DMD: variants seen among roughly 807,000 people sequenced by gnomAD.
DMD encodes mutant dystrophin.
A neutral mutation model predicts 330.1 loss-of-function variants in DMD; 63 were observed. The ratio of observed to expected loss-of-function variants is 0.19; its 90% CI spans 0.16 to 0.24. DMD has a LOEUF of 0.24. Among genes scored for constraint, DMD ranks in the 10% least tolerant of loss-of-function variants. DMD has a pLI of 1.00. For missense variants in DMD, 3,344 were observed against 2,684.1 expected, an observed-to-expected ratio of 1.25 and a Z score of -5.43; for synonymous variants, 1,223 against 959.8, an observed-to-expected ratio of 1.27 and a Z score of -5.07.
intron 65 of DMD, 31 bp from the exon 66 acceptor site, chrX:31,206,698 T>C: frequency 8.9e-7 from 1 of 1,123,622 alleles, no homozygotes; most frequent in African/African-American, 1.8e-5. Context: ...AGAAAACAAT[T>C]ACTGACCCTT....
In DMD at chrX:32,362,805, T is replaced by C; in HGVS notation, c.5308A>G (p.Arg1770Gly). ...CTTCCTACCTTTCCAGTCTTAATTC[T>C]GTGTGAAATGGCTGCAAATCGATGG... ...LNHRFAAISH[R>G]IKTGKASIPL... is the part of the protein sequence containing the mutation. The change falls in exon 37 of 79, where the codon AGA becomes GGA. Residue 1770 changes from arginine to glycine, a missense_variant. Arg to Gly is a moderately radical substitution (Grantham distance 125, BLOSUM62 -2). Transcript: ENST00000357033. The C allele has an allele frequency of 5.0e-6, 6 of 1,211,249 alleles. No individual in the cohort carries two copies. Among genetic ancestry groups the C allele is most frequent in the Non-Finnish European group, 6.7e-6 (6 of 895,366 alleles).
chrX:32,556,106 C>A (rs1218074712), intron 16 of DMD, among the ~76,000 whole-genome samples: 1 of 111,718 alleles, frequency 9.0e-6, no homozygotes. Flanking sequence ...GGAACTTAAA[C>A]AAATTTACAA....
chrX:32,965,555 A>G (rs763716108), intron 2 of DMD, among the ~76,000 whole-genome samples: 6 of 109,326 alleles, frequency 5.5e-5, no homozygotes, highest in African/African-American at 2.0e-4. Flanking sequence ...TGAAATGTTT[A>G]GAGTAGAAGT....
At chrX:33,071,615 AAAG>A (rs1266126705) in intron 1 of DMD, among the ~76,000 whole-genome samples, 1 of 110,032 alleles carries the variant, frequency 9.1e-6, no homozygotes, top group East Asian at 2.8e-4. Flanking sequence ...AGCTGAGCTT[AAAG>A]AATATATTCA....
At chrX:31,661,691 TA>T (rs1279780165) in intron 53 of DMD, among the ~76,000 whole-genome samples, 1 of 111,330 alleles carries the variant, frequency 9.0e-6, no homozygotes, top group Non-Finnish European at 1.9e-5. Context: ...CACTAGCTTA[TA>T]AAAAAAGATT....
chrX:32,937,174 G>A (rs1280148880), intron 2 of DMD, among the ~76,000 whole-genome samples: 1 of 110,893 alleles, frequency 9.0e-6, no homozygotes, highest in Non-Finnish European at 1.9e-5. Flanking sequence ...TAAGAGGAAG[G>A]ACGTTTCCTG....
chrX:32,732,252 T>C (rs2067787995), intron 7 of DMD, among the ~76,000 whole-genome samples: 1 of 110,618 alleles, frequency 9.0e-6, no homozygotes. Flanking sequence ...CCAAGAAATA[T>C]GGGACTATGT....
At chrX:32,241,905 A>T (rs1266080056) in intron 43 of DMD, among the ~76,000 whole-genome samples, 47 of 111,093 alleles carry the variant, frequency 4.2e-4, no homozygotes, top group Non-Finnish European at 5.1e-4. Context: ...CATATACCCA[A>T]TAGAGGGACC....
intron 64 of DMD, among the ~76,000 whole-genome samples, chrX:31,217,316 A>C (rs1208229668): frequency 8.9e-6 from 1 of 112,073 alleles, no homozygotes; most frequent in African/African-American, 3.2e-5. Context: ...ACTGATTACA[A>C]ACTGGGGACA....
At chrX:32,829,677 A>T (rs2079009261) in intron 4 of DMD, among the ~76,000 whole-genome samples, 1 of 111,744 alleles carries the variant, frequency 8.9e-6, no homozygotes, top group African/African-American at 3.2e-5. Context: ...TAAAAATCTT[A>T]TGGCTATACA....
chrX:31,922,325 C>T (rs1458226361), intron 47 of DMD, among the ~76,000 whole-genome samples: 1 of 111,548 alleles, frequency 9.0e-6, no homozygotes, highest in East Asian at 2.8e-4. Context: ...CCCTATGCAT[C>T]TCTTCATCTG....
chrX:32,791,098 C>CCA (rs1342786005), intron 7 of DMD, among the ~76,000 whole-genome samples: 1 of 111,649 alleles, frequency 9.0e-6, no homozygotes, highest in Non-Finnish European at 1.9e-5. Flanking sequence ...ACTCAAGCTT[C>CCA]CACTACCACC....
intron 13 of DMD, among the ~76,000 whole-genome samples, chrX:32,587,188 C>T (rs935398009): frequency 1.8e-5 from 2 of 111,764 alleles, no homozygotes; most frequent in Admixed American, 9.5e-5. Flanking sequence ...CTGACTTTAT[C>T]GTCTTTCTGA....
At chrX:32,304,610 T>C (rs1295458425) in intron 42 of DMD, among the ~76,000 whole-genome samples, 2 of 111,458 alleles carry the variant, frequency 1.8e-5, no homozygotes, top group Non-Finnish European at 3.8e-5. Flanking sequence ...TAATGTACTA[T>C]GGAAATAATT....
At chrX:33,136,343 A>G (rs922943213) in intron 1 of DMD, among the ~76,000 whole-genome samples, 6 of 100,587 alleles carry the variant, frequency 6.0e-5, no homozygotes, top group African/African-American at 2.2e-4. Context: ...CAAAATATTT[A>G]CTGAACATTA....
intron 19 of DMD, 34 bp from the exon 20 acceptor site, chrX:32,491,552 G>A (rs2043000492): frequency 1.7e-6 from 2 of 1,174,552 alleles, no homozygotes; most frequent in Non-Finnish European, 2.3e-6. Flanking sequence ...TATATCCCCT[G>A]AACCCACAGA....
intron 30 of DMD, among the ~76,000 whole-genome samples, chrX:32,393,483 T>A (rs938760726): frequency 8.9e-6 from 1 of 111,803 alleles, no homozygotes. Flanking sequence ...ATAACAGTAG[T>A]TTTATTGCTA....
intron 44 of DMD, among the ~76,000 whole-genome samples, chrX:31,978,309 A>G (rs1201894347): frequency 9.1e-6 from 1 of 110,144 alleles, no homozygotes; most frequent in Non-Finnish European, 1.9e-5. Context: ...TCATTCCTCC[A>G]ATCCAAATTC....
intron 9 of DMD, among the ~76,000 whole-genome samples, chrX:32,653,913 T>C (rs1275470066): frequency 8.9e-6 from 1 of 111,941 alleles, no homozygotes. Context: ...TTATTCTCTT[T>C]GAAGCAATTG....
Sources: allele counts gnomAD v4.1 joint callset (sites outside exome capture counted in the v4.1 genomes callset), GRCh38; gene constraint gnomAD v4.1.1; transcripts MANE v1.5; gene names NCBI Gene and HGNC (gene_info 2026-07-23, HGNC 2026-07-21).